The following OLAH variants were observed in gnomAD, a reference collection of about 807,000 sequenced individuals.
OLAH encodes oleoyl-ACP hydrolase.
A neutral mutation model predicts 27.8 loss-of-function variants in OLAH; 33 were observed. The ratio of observed to expected loss-of-function variants is 1.19; its 90% CI spans 0.90 to 1.59. OLAH has a LOEUF of 1.59. OLAH is among the 40% of genes most tolerant of loss of function. The pLI, the probability that OLAH is intolerant of heterozygous loss-of-function variation, is 0.00. For synonymous variants in OLAH, 120 were observed against 102.9 expected, an observed-to-expected ratio of 1.17 and a Z score of -1.01; for missense variants, 359 against 310.8, an observed-to-expected ratio of 1.16 and a Z score of -1.17.
At chr10:15,043,520 C>T (rs944645396), upstream of OLAH, among the ~76,000 whole-genome samples, 1 of 147,826 alleles carries the variant, frequency 6.8e-6, no homozygotes, top group African/African-American at 2.5e-5. Context: ...TTTTGTTGCC[C>T]TGGAGTGCAG....
intron 6 of OLAH, among the ~76,000 whole-genome samples, chr10:15,067,821 T>C (rs1441526823): frequency 2.6e-5 from 4 of 152,266 alleles, no homozygotes; most frequent in African/African-American, 9.6e-5. Context: ...TCCCCATCAC[T>C]ACCACTAAAG....
intron 1 of OLAH, among the ~76,000 whole-genome samples, chr10:15,037,014 G>T (rs1843850612): frequency 6.6e-6 from 1 of 152,100 alleles, no homozygotes. Flanking sequence ...GGGAGGCAGA[G>T]GTTGCAGTGA....
intron 3 of OLAH, among the ~76,000 whole-genome samples, chr10:15,057,664 G>A (rs1844273620): frequency 6.6e-6 from 1 of 152,120 alleles, no homozygotes; most frequent in South Asian, 2.1e-4. Context: ...GGAATTATGG[G>A]CATGAGCCAC....
At chr10:15,046,866 GC>G (rs1844028088) in intron 1 of OLAH, among the ~76,000 whole-genome samples, 1 of 152,162 alleles carries the variant, frequency 6.6e-6, no homozygotes. Context: ...TCTTTTAGGA[GC>G]AGGCTTGTTT....
At chr10:15,039,697 C>T (rs2131329769), upstream of OLAH, among the ~76,000 whole-genome samples, 1 of 152,254 alleles carries the variant, frequency 6.6e-6, no homozygotes, top group East Asian at 1.9e-4. Context: ...GGAAAGAGGC[C>T]TGTCTGTATT....
At chr10:15,059,395 GC>G (rs1283661142) in intron 3 of OLAH, among the ~76,000 whole-genome samples, 1 of 151,176 alleles carries the variant, frequency 6.6e-6, no homozygotes, top group African/African-American at 2.4e-5. Flanking sequence ...TCACTTCATT[GC>G]CCAGGCTGTC....
intron 2 of OLAH, among the ~76,000 whole-genome samples, chr10:15,048,033 T>C (rs536605005): frequency 6.6e-5 from 10 of 152,308 alleles, no homozygotes; most frequent in African/African-American, 1.7e-4. Context: ...AACCTCATAT[T>C]TGGGAATATT....
chr10:15,071,894 T>C lies in OLAH; in HGVS notation c.655+17T>C. 3 of 1,572,390 alleles carry C rather than the reference T, an allele frequency of 1.9e-6. No individual in the cohort carries two copies. Among genetic ancestry groups the C allele is most frequent in the Non-Finnish European group, 2.6e-6 (3 of 1,142,960 alleles). ...ACATGGAAGGTGAAATTATTTTTAG[T>C]CTCGAGTATTGTATTGAAATATATG... On this transcript the variant is annotated intron_variant, in intron 7 of 7. Transcript: ENST00000378228.
intron 3 of OLAH, chr10:15,056,863 T>G (rs1419769445): frequency 1.0e-5 from 16 of 1,524,658 alleles, no homozygotes; most frequent in Non-Finnish European, 1.4e-5. Flanking sequence ...GGTCTCAAAC[T>G]CCGGCGCTCA....
chr10:15,049,126 C>A (rs1460851002), intron 2 of OLAH, among the ~76,000 whole-genome samples: 3 of 65,708 alleles, frequency 4.6e-5, no homozygotes, highest in African/African-American at 1.2e-4. Flanking sequence ...TTTTTGGAGA[C>A]TATGTCTCCA....
At chr10:15,046,916 T>G (rs1208683952) in intron 1 of OLAH, among the ~76,000 whole-genome samples, 2 of 152,222 alleles carry the variant, frequency 1.3e-5, no homozygotes, top group Non-Finnish European at 2.9e-5. Context: ...TTTGTCTGTC[T>G]GTATATACGT....
chr10:15,042,233 C>A (rs1361661651), upstream of OLAH, among the ~76,000 whole-genome samples: 1 of 151,762 alleles, frequency 6.6e-6, no homozygotes. Flanking sequence ...CTCACTGCAA[C>A]CTTCACCTCC....
At chr10:15,039,485 G>A (rs1810762), upstream of OLAH, among the ~76,000 whole-genome samples, 2 of 152,048 alleles carry the variant, frequency 1.3e-5, no homozygotes, top group Non-Finnish European at 2.9e-5. Flanking sequence ...GCTGAGGCAG[G>A]AGAATCACTT....
At chr10:15,041,828 C>T (rs545358392), upstream of OLAH, among the ~76,000 whole-genome samples, 107 of 152,142 alleles carry the variant, frequency 7.0e-4, no homozygotes, top group African/African-American at 2.4e-3. Flanking sequence ...CAACCCACCT[C>T]GGCCTACCAA....
At chr10:15,072,453 T>A (rs1248432549) in intron 7 of OLAH, among the ~76,000 whole-genome samples, 1 of 152,112 alleles carries the variant, frequency 6.6e-6, no homozygotes, top group Admixed American at 6.6e-5. Flanking sequence ...GGACACCTAG[T>A]GTAAGAGTTA....
intron 4 of OLAH, among the ~76,000 whole-genome samples, chr10:15,064,107 T>C (rs1429367302): frequency 2.0e-5 from 3 of 152,208 alleles, no homozygotes; most frequent in Non-Finnish European, 4.4e-5. Context: ...TGCGGATATA[T>C]ACTGTTAAAG....
chr10:15,070,623 C>T (rs908585822), intron 6 of OLAH, among the ~76,000 whole-genome samples: 2 of 151,706 alleles, frequency 1.3e-5, no homozygotes, highest in South Asian at 2.1e-4. Context: ...TAGCTCATTA[C>T]GGGCATGCAC....
intron 2 of OLAH, among the ~76,000 whole-genome samples, chr10:15,049,140 A>G (rs1340114279): frequency 1.4e-5 from 2 of 145,296 alleles, no homozygotes; most frequent in African/African-American, 5.1e-5. Context: ...GTCTCCAAAA[A>G]AAAAAAAATT....
intron 2 of OLAH, among the ~76,000 whole-genome samples, chr10:15,049,126 CT>C (rs1564527896): frequency 1.5e-4 from 10 of 65,740 alleles, no homozygotes; most frequent in African/African-American, 6.2e-4. Flanking sequence ...TTTTTGGAGA[CT>C]ATGTCTCCAA....
Sources: allele counts gnomAD v4.1 joint callset (sites outside exome capture counted in the v4.1 genomes callset), GRCh38; gene constraint gnomAD v4.1.1; transcripts MANE v1.5; gene names NCBI Gene and HGNC (gene_info 2026-07-23, HGNC 2026-07-21).